The following ARHGAP21 variants were observed in gnomAD, a reference collection of about 807,000 sequenced individuals.
The protein encoded by ARHGAP21 is rho GTPase-activating protein 21.
In ARHGAP21, 38 loss-of-function variants were observed where a neutral mutation model predicts 164.6. That is an observed-to-expected ratio of 0.23 (90% CI 0.18 to 0.30). The LOEUF (loss-of-function observed/expected upper bound fraction) is 0.30, where lower values mean the gene tolerates loss of function less well. Among genes scored for constraint, ARHGAP21 ranks in the 10% least tolerant of loss-of-function variants. The probability of loss-of-function intolerance (pLI) is 1.00; values close to 1 mark genes in which losing one functional copy is unlikely to be tolerated. For synonymous variants in ARHGAP21, 766 were observed against 857.9 expected (o/e 0.89, Z 1.87); for missense variants, 1,822 against 2,370.7 (o/e 0.77, Z 4.81).
intron 2 of ARHGAP21, among the ~76,000 whole-genome samples, chr10:24,704,007 T>C (rs1593346181): frequency 6.6e-6 from 1 of 152,126 alleles, no homozygotes; most frequent in East Asian, 1.9e-4. Context: ...AACATGAAAA[T>C]TCAAATTTTC....
At chr10:24,703,738 C>T (rs770443881) in intron 2 of ARHGAP21, among the ~76,000 whole-genome samples, 1 of 152,098 alleles carries the variant, frequency 6.6e-6, no homozygotes, top group Admixed American at 6.5e-5. Flanking sequence ...GCCTTTTCTG[C>T]GACTTGTTTT....
chr10:24,674,755 T>C (rs528414545), intron 2 of ARHGAP21, among the ~76,000 whole-genome samples: 2 of 152,198 alleles, frequency 1.3e-5, no homozygotes, highest in East Asian at 3.9e-4. Flanking sequence ...ACATACACTT[T>C]TATGAAAACG....
chr10:24,657,597 G>C (rs1485248054), intron 4 of ARHGAP21, among the ~76,000 whole-genome samples: 1 of 130,080 alleles, frequency 7.7e-6, no homozygotes, highest in Admixed American at 7.6e-5. Flanking sequence ...TGGCTGCTTT[G>C]TGGAATAGAA....
intron 1 of ARHGAP21, 175 bp from the exon 2 acceptor site, chr10:24,722,454 T>C (rs1846024005): frequency 6.4e-6 from 1 of 155,816 alleles, no homozygotes; most frequent in Non-Finnish European, 1.4e-5. Flanking sequence ...AAGAGAAATC[T>C]CGAAACTGCC....
intron 3 of ARHGAP21, among the ~76,000 whole-genome samples, 195 bp downstream of exon 3, chr10:24,670,023 A>T (rs574687350): frequency 6.6e-6 from 1 of 152,338 alleles, no homozygotes; most frequent in South Asian, 2.1e-4. Flanking sequence ...TTCAGAGAAG[A>T]CTAAAGTTTC....
At chr10:24,722,793 C>G (rs1846059054) in intron 1 of ARHGAP21, 1 of 152,024 alleles carries the variant, frequency 6.6e-6, no homozygotes, top group South Asian at 2.1e-4. Flanking sequence ...GCCGGCGTCC[C>G]CGAGGAGGCG....
intron 4 of ARHGAP21, among the ~76,000 whole-genome samples, chr10:24,661,528 T>G (rs1839694312): frequency 6.6e-6 from 1 of 152,174 alleles, no homozygotes; most frequent in South Asian, 2.1e-4. Flanking sequence ...ATTCAACTGT[T>G]TAACAGAATT....
At chr10:24,681,964 C>T (rs996571243) in intron 2 of ARHGAP21, among the ~76,000 whole-genome samples, 4 of 151,936 alleles carry the variant, frequency 2.6e-5, no homozygotes, top group African/African-American at 7.3e-5. Context: ...AGTTGTGGCT[C>T]GTGGACAAGC....
At chr10:24,689,380 C>T (rs547937638) in intron 2 of ARHGAP21, among the ~76,000 whole-genome samples, 2 of 152,186 alleles carry the variant, frequency 1.3e-5, no homozygotes, top group South Asian at 2.1e-4. Context: ...CCTGTCATTC[C>T]CCGTCTAGAG....
Position 24,585,765 on chromosome 10 carries a change from G to A in ARHGAP21, c.4524C>T (p.Asn1508=). 3 of 1,613,992 alleles carry A rather than the reference G, an allele frequency of 1.9e-6. No individual in the cohort carries two copies. The highest frequency in any genetic ancestry group is 2.5e-6 in the Non-Finnish European group (3 of 1,179,900). Reference sequence around the variant, plus strand: ...GAGTTGGTGACTTGTTGTGTTTTGAGTTGTGTGGTGGTGAGGGTTCTTCAG... The same window carrying A: ...GAGTTGGTGACTTGTTGTGTTTTGAATTGTGTGGTGGTGAGGGTTCTTCAG... ...TPSEEPSPPH[N]SKHNKSPTLS... is the part of the protein sequence containing the mutation. Residue 1508 remains asparagine (N), a synonymous_variant, in exon 26 of 26, where the codon AAC becomes AAT. Coordinates refer to ENST00000396432, the MANE Select transcript of ARHGAP21 (RefSeq NM_020824.4).
chr10:24,666,487 A>G (rs942507972), intron 4 of ARHGAP21, among the ~76,000 whole-genome samples: 9 of 152,242 alleles, frequency 5.9e-5, no homozygotes, highest in African/African-American at 2.2e-4. Context: ...AACTCATTCA[A>G]GTTGATTTAA....
intron 2 of ARHGAP21, among the ~76,000 whole-genome samples, chr10:24,699,348 T>C (rs1390849564): frequency 6.6e-6 from 1 of 152,080 alleles, no homozygotes; most frequent in Non-Finnish European, 1.5e-5. Flanking sequence ...TTTTTTGAGA[T>C]GGAGTCTCAC....
Position 24,586,033 on chromosome 10 carries a change from C to T in ARHGAP21, c.4256G>A (p.Arg1419His), listed in dbSNP as rs772981446. The T allele has an allele frequency of 2.4e-5, 38 of 1,613,932 alleles. No individual in the cohort carries two copies. The highest frequency in any genetic ancestry group is 6.7e-5 in the African/African-American group (5 of 74,896). The change falls in exon 26 of 26, where the codon CGC becomes CAC. Residue 1419 changes from arginine to histidine, a missense_variant. Physicochemically the swap from Arg to His is conservative, Grantham distance 29. Coordinates refer to ENST00000396432, the MANE Select transcript of ARHGAP21 (RefSeq NM_020824.4). Reference protein sequence around the residue: ...LVSSIFAAASRKRKKPKEKAQ... With the variant: ...LVSSIFAAASHKRKKPKEKAQ... ...TTTTTCTTTCGGCTTCTTCCTCTTGCGACTAGCAGCTGCAAAGATGGAGGA... is the reference window on the plus strand; with the variant it reads ...TTTTTCTTTCGGCTTCTTCCTCTTGTGACTAGCAGCTGCAAAGATGGAGGA...
intron 2 of ARHGAP21, among the ~76,000 whole-genome samples, chr10:24,712,135 C>G (rs1565204461): frequency 6.6e-6 from 1 of 152,044 alleles, no homozygotes; most frequent in South Asian, 2.1e-4. Flanking sequence ...AGGGTGGTCT[C>G]GAACTCCTGA....
intron 9 of ARHGAP21, among the ~76,000 whole-genome samples, chr10:24,618,709 G>T (rs1245929583): frequency 6.6e-6 from 1 of 152,156 alleles, no homozygotes; most frequent in Non-Finnish European, 1.5e-5. Context: ...CACGAAGTAG[G>T]ATCTCTCTGA....
intron 2 of ARHGAP21, among the ~76,000 whole-genome samples, chr10:24,693,440 TC>T (rs1309027538): frequency 1.3e-5 from 2 of 151,844 alleles, no homozygotes; most frequent in Admixed American, 6.6e-5. Context: ...TGCCTCTGCC[TC>T]CCCGGTACAA....
chr10:24,703,538 G>C (rs974520087), intron 2 of ARHGAP21, among the ~76,000 whole-genome samples: 19 of 152,092 alleles, frequency 1.2e-4, no homozygotes, highest in African/African-American at 4.3e-4. Context: ...CAGTTCTTGG[G>C]CACTAAACTC....
At chr10:24,593,122 GA>G (rs1238036769) in intron 21 of ARHGAP21, among the ~76,000 whole-genome samples, 1 of 151,674 alleles carries the variant, frequency 6.6e-6, no homozygotes, top group East Asian at 1.9e-4. Context: ...AGCCAAAATG[GA>G]AAAAAAAGAA....
chr10:24,696,089 G>A (rs1843146565), intron 2 of ARHGAP21, among the ~76,000 whole-genome samples: 1 of 152,200 alleles, frequency 6.6e-6, no homozygotes. Flanking sequence ...TAAAAATCCA[G>A]ACAATATATG....
Sources: gnomAD v4.1 joint callset for allele counts (sites outside exome capture counted in the v4.1 genomes callset) on GRCh38, gnomAD v4.1.1 for gene constraint, MANE v1.5 for transcripts, NCBI Gene and HGNC (gene_info 2026-07-23, HGNC 2026-07-21) for gene names.